Variants in TNFAIP2 observed in about 807,000 individuals in gnomAD.
TNFAIP2 encodes the protein tumor necrosis factor alpha-induced protein 2.
A neutral mutation model predicts 63.5 loss-of-function variants in TNFAIP2; 47 were observed. That is an observed-to-expected ratio of 0.74 (90% CI 0.59 to 0.94). TNFAIP2 has a LOEUF of 0.94. Among genes scored for constraint, TNFAIP2 ranks in the 40% least tolerant of loss-of-function variants. TNFAIP2 has a pLI of 0.00. For missense variants in TNFAIP2, 787 were observed against 850.2 expected (o/e 0.93, Z 0.92); for synonymous variants, 405 against 390.2 (o/e 1.04, Z -0.45).
chr14:103,129,898 G>A (rs2087935270), intron 4 of TNFAIP2, 44 bp downstream of exon 4: 3 of 1,607,626 alleles, frequency 1.9e-6, no homozygotes, highest in Non-Finnish European at 2.6e-6. Context: ...AGGCAGCAGA[G>A]GAGAGGCTCG....
intron 9 of TNFAIP2, 62 bp from the exon 10 acceptor site, chr14:103,133,300 G>T: frequency 6.3e-7 from 1 of 1,576,438 alleles, no homozygotes; most frequent in South Asian, 1.2e-5. Flanking sequence ...AAGGCTTCAA[G>T]GGAGGTGGCG....
rs2087880699 is a variant in TNFAIP2 at position 103,127,381 on chromosome 14, G to C, written c.612G>C (p.Gln204His). Residue 204 changes from glutamine (Q) to histidine (H), a missense_variant, in exon 3 of 12, where the codon CAG becomes CAC. By Grantham distance (24) the Gln-to-His change is conservative. This residue lies in a region of TNFAIP2 where 523 missense variants were observed against 604.1 expected (regional missense o/e 0.87). Coordinates refer to ENST00000560869, the MANE Select transcript of TNFAIP2 (RefSeq NM_006291.4). This position sits in a 1 kb window ranked among gnomAD's most constrained non-coding sequence, Gnocchi z 5.1. Reference protein sequence around the residue: ...VAEAAEERMGQRPAAGAEVPE... With the variant: ...VAEAAEERMGHRPAAGAEVPE... ...AGGCGGCCGAGGAGCGCATGGGCCA[G>C]CGGCCGGCCGCGGGCGCCGAGGTCC... is the stretch of plus-strand genomic sequence containing the variant. 3 of 1,525,988 alleles carry C rather than the reference G, an allele frequency of 2.0e-6. No individual in the cohort carries two copies. The highest frequency in any genetic ancestry group is 1.8e-4 in the Middle Eastern group (1 of 5,592). 94.5% of individuals were successfully genotyped at this position (1,525,988 alleles called of 1,614,324 possible).
Position 103,135,795 on chromosome 14 carries a change from TC to T in TNFAIP2, c.*436del, listed in dbSNP as rs1258384446. 8.5e-6 allele frequency: 11 copies of T among 1,294,514 alleles called. No individual in the cohort carries two copies. The Middle Eastern group carries it at 1.5e-3, about 174-fold the overall frequency. 80.2% of individuals were successfully genotyped at this position (1,294,514 alleles called of 1,614,324 possible). A position where few individuals can be genotyped will look rare whatever the true frequency, so the allele number is the denominator to read the frequency against. ...GGAGACAGGGGCCGAGCCTCACCCA[TC>T]TGCCCTCTGCAGCCCAGGGCCGCCG... On this transcript the variant is annotated 3_prime_UTR_variant, in exon 12 of 12. Coordinates refer to ENST00000560869, the MANE Select transcript of TNFAIP2 (RefSeq NM_006291.4). The surrounding 1 kb of genome is among the most constrained non-coding windows in gnomAD (Gnocchi z 7.6).
At chr14:103,125,050 C>A (rs763364172) in intron 1 of TNFAIP2, among the ~76,000 whole-genome samples, 34 of 152,232 alleles carry the variant, frequency 2.2e-4, no homozygotes, top group Non-Finnish European at 4.3e-4. Flanking sequence ...GGGGCAAACA[C>A]CTCCTACTCA....
At position 103,129,757 on chromosome 14, in the gene TNFAIP2, C is replaced by G. The variant is rs768441052; in HGVS notation, c.878C>G (p.Pro293Arg). Residue 293 changes from proline to arginine, a missense_variant, in exon 4 of 12, where the codon CCC (proline) becomes CGC (arginine). By Grantham distance (103) the Pro-to-Arg change is moderately radical (BLOSUM62 -2). Coordinates refer to ENST00000560869, the MANE Select transcript of TNFAIP2 (RefSeq NM_006291.4). Reference protein sequence around the residue: ...NLYPNDIINSPKLVGELQGMG... With the variant: ...NLYPNDIINSRKLVGELQGMG... ...GCCTGCAGTGACATCATCAACAGCC[C>G]CAAGCTGGTGGGTGAGCTGCAGGGT... 1.2e-6 allele frequency: 2 copies of G among 1,613,866 alleles called. No individual in the cohort carries two copies. Among genetic ancestry groups the G allele is most frequent in the African/African-American group, 2.7e-5 (2 of 74,916 alleles).
chr14:103,126,051 G>A (rs1335109238), intron 1 of TNFAIP2, among the ~76,000 whole-genome samples: 1 of 152,204 alleles, frequency 6.6e-6, no homozygotes, highest in Non-Finnish European at 1.5e-5. Context: ...CTGTGTGGCG[G>A]GCTTGGCGTC....
In TNFAIP2 at chr14:103,136,085, C is replaced by G; in HGVS notation, c.*725C>G. The G allele has an allele frequency of 8.8e-7, 1 of 1,138,968 alleles. No homozygotes were observed. Among genetic ancestry groups the G allele is most frequent in the Non-Finnish European group, 1.1e-6 (1 of 891,638 alleles). 70.6% of individuals were successfully genotyped at this position (1,138,968 alleles called of 1,614,324 possible). A position where few individuals can be genotyped will look rare whatever the true frequency, so the allele number is the denominator to read the frequency against. On this transcript the variant is annotated 3_prime_UTR_variant, in exon 12 of 12. Transcript: ENST00000560869. ...GTGTCTACTACCGAAGGGCCCAAGA[C>G]CTCCTGGGTCCTCTCAGGCTCCCCC...
intron 11 of TNFAIP2, among the ~76,000 whole-genome samples, chr14:103,134,334 G>T (rs2088051505): frequency 1.3e-5 from 2 of 152,182 alleles, no homozygotes; most frequent in Admixed American, 6.5e-5. Flanking sequence ...GTCCCTGTCT[G>T]ATCCATTCCA....
intron 1 of TNFAIP2, among the ~76,000 whole-genome samples, chr14:103,125,077 CTGGATGGTGG>C (rs2087825878): frequency 6.6e-6 from 1 of 152,268 alleles, no homozygotes; most frequent in South Asian, 2.1e-4. Flanking sequence ...GTTTCTCCTT[CTGGATGGTGG>C]ATCATCCTGC....
At position 103,135,199 on chromosome 14, in the gene TNFAIP2, C is replaced by A. The variant is rs377596137; in HGVS notation, c.1824-20C>A. 1.3e-5 allele frequency: 21 copies of A among 1,613,548 alleles called. No individual in the cohort carries two copies. Among genetic ancestry groups the A allele is most frequent in the African/African-American group, 4.0e-5 (3 of 74,912 alleles). ...GGGTGTGGGTGACAGGCTGGGCTGA[C>A]AGGATGCTCTCTTTGCCAGCAAAGG... is the stretch of plus-strand genomic sequence containing the variant. On this transcript the variant is annotated intron_variant, in intron 11 of 11. Transcript: ENST00000560869. This position sits in a 1 kb window ranked among gnomAD's most constrained non-coding sequence, Gnocchi z 7.6.
intron 1 of TNFAIP2, among the ~76,000 whole-genome samples, chr14:103,125,252 C>G (rs913887132): frequency 1.3e-5 from 2 of 152,234 alleles, no homozygotes; most frequent in East Asian, 3.9e-4. Flanking sequence ...CTGCTTCCCC[C>G]TTTCAGATCA....
chr14:103,127,020 C>T lies in TNFAIP2; in HGVS notation c.251C>T (p.Ala84Val), dbSNP rs1351818276. 1 of 1,187,786 alleles carries T rather than the reference C, an allele frequency of 8.4e-7. No homozygotes were observed. Among genetic ancestry groups the T allele is most frequent in the South Asian group, 2.7e-5 (1 of 37,542 alleles). 73.6% of individuals were successfully genotyped at this position (1,187,786 alleles called of 1,614,324 possible). ...GPPPTVEELK[A>V]ALERGQLEAA... is the part of the protein sequence containing the mutation. Reference sequence around the variant, plus strand: ...CCCGGCGCAGTGGAGGAGCTGAAGGCGGCGCTGGAGCGCGGGCAGCTGGAG... The same window carrying T: ...CCCGGCGCAGTGGAGGAGCTGAAGGTGGCGCTGGAGCGCGGGCAGCTGGAG... Residue 84 changes from alanine (A) to valine (V), a missense_variant, in exon 3 of 12, where the codon GCG (alanine) becomes GTG (valine). Physicochemically the swap from Ala to Val is moderately conservative, Grantham distance 64. Transcript: ENST00000560869. This position sits in a 1 kb window ranked among gnomAD's most constrained non-coding sequence, Gnocchi z 5.1.
Position 103,130,433 on chromosome 14 carries a change from A to G in TNFAIP2, c.1199+18A>G, listed in dbSNP as rs1306370532. On this transcript the variant is annotated intron_variant, in intron 6 of 11. Transcript: ENST00000560869. The stretch of plus-strand genomic sequence containing the variant: ...CTGAGGAGGTGGGTGTGTGCCCAGG[A>G]TGGGGTCCCTGTAGCCACCGCTCTC... 1 of 1,552,040 alleles carries G rather than the reference A, an allele frequency of 6.4e-7. No homozygotes were observed. Among genetic ancestry groups the G allele is most frequent in the Non-Finnish European group, 8.7e-7 (1 of 1,148,072 alleles).
upstream of TNFAIP2, among the ~76,000 whole-genome samples, chr14:103,121,930 TG>T (rs1372380410): frequency 6.6e-6 from 1 of 151,872 alleles, no homozygotes; most frequent in Admixed American, 6.6e-5. Flanking sequence ...GAGAGGCTTG[TG>T]GGGATTGCAC....
chr14:103,128,136 A>T (rs1566962964), intron 3 of TNFAIP2, among the ~76,000 whole-genome samples: 3 of 152,008 alleles, frequency 2.0e-5, no homozygotes, highest in Non-Finnish European at 4.4e-5. Context: ...AGGCAGGAGG[A>T]GGGGTGATAG....
In TNFAIP2 at chr14:103,130,297, C is replaced by T. The variant is rs1235155117; in HGVS notation, c.1099-18C>T. 1 of 1,546,932 alleles carries T rather than the reference C, an allele frequency of 6.5e-7. No homozygotes were observed. Among genetic ancestry groups the T allele is most frequent in the Non-Finnish European group, 8.7e-7 (1 of 1,144,160 alleles). ...TCCAGGCGAGCCCCTGCTCAGCTCACCCACCACCACCCTGCAGATCACCTC... is the reference window on the plus strand; with the variant it reads ...TCCAGGCGAGCCCCTGCTCAGCTCATCCACCACCACCCTGCAGATCACCTC... On this transcript the variant is annotated intron_variant, in intron 5 of 11. Transcript: ENST00000560869.
At position 103,135,223 on chromosome 14, in the gene TNFAIP2, G is replaced by T; in HGVS notation, c.1828G>T (p.Gly610Cys). 6.2e-7 allele frequency: 1 copy of T among 1,613,846 alleles called. No individual in the cohort carries two copies. Among genetic ancestry groups the T allele is most frequent in the South Asian group, 1.1e-5 (1 of 91,088 alleles). Residue 610 changes from glycine to cysteine, a missense_variant, in exon 12 of 12, where the codon GGC becomes TGC. Physicochemically the swap from Gly to Cys is radical, Grantham distance 159 (BLOSUM62 -3). Coordinates refer to ENST00000560869, the MANE Select transcript of TNFAIP2 (RefSeq NM_006291.4). This position sits in a 1 kb window ranked among gnomAD's most constrained non-coding sequence, Gnocchi z 7.6. ...YATCYPDFSK[G>C]HLSAILAIKG... Reference sequence around the variant, plus strand: ...ACAGGATGCTCTCTTTGCCAGCAAAGGCCACCTGAGCGCTATCCTGGCCAT... The same window carrying T: ...ACAGGATGCTCTCTTTGCCAGCAAATGCCACCTGAGCGCTATCCTGGCCAT...
rs145305665 is a variant in TNFAIP2, at chr14:103,132,763, G to A, written c.1436G>A (p.Arg479Lys). ...LHEDLKPLFK[R>K]FTHTRWAAPV... Reference sequence around the variant, plus strand: ...CTCCTGTCTCAGCCACTGTTCAAGAGGTTCACGCACACCCGCTGGGCGGCC... The same window carrying A: ...CTCCTGTCTCAGCCACTGTTCAAGAAGTTCACGCACACCCGCTGGGCGGCC... Residue 479 changes from arginine (R) to lysine (K), a missense_variant, in exon 9 of 12, where the codon AGG becomes AAG. By Grantham distance (26) the Arg-to-Lys change is conservative. Transcript: ENST00000560869. 34 of 1,613,316 alleles carry A rather than the reference G, an allele frequency of 2.1e-5. No homozygotes were observed. The African/African-American group carries it at 4.0e-4, about 19-fold the overall frequency.
intron 10 of TNFAIP2, 24 bp from the exon 11 acceptor site, chr14:103,133,658 C>G: frequency 1.3e-6 from 2 of 1,551,672 alleles, no homozygotes; most frequent in Non-Finnish European, 1.7e-6. Context: ...CCCTGGGTCC[C>G]TCCAACCACA....
Sources: gnomAD v4.1 joint callset for allele counts (sites outside exome capture counted in the v4.1 genomes callset) on GRCh38, gnomAD v4.1.1 for gene constraint, gnomAD v4.1.1 regional missense constraint, Gnocchi (gnomAD v3.1) non-coding constraint, MANE v1.5 for transcripts, NCBI Gene and HGNC (gene_info 2026-07-23, HGNC 2026-07-21) for gene names.